Variants in ATP10B observed in about 807,000 individuals in gnomAD.
The protein encoded by ATP10B is ATPase phospholipid transporting 10B (putative).
ATP10B carries 122 observed loss-of-function variants against 141.2 expected under a neutral mutation model. That is an observed-to-expected ratio of 0.86 (90% confidence interval 0.75 to 1.00). The LOEUF is 1.00. Ranked by LOEUF, ATP10B falls within the 50% of genes least tolerant of loss-of-function variation. The pLI is 0.00. For synonymous variants in ATP10B, 685 were observed against 692.0 expected, an observed-to-expected ratio of 0.99 and a Z score of 0.16; for missense variants, 1,876 against 1,825.3, an observed-to-expected ratio of 1.03 and a Z score of -0.51.
chr5:160,568,796 C>G (rs149653792), intron 25 of ATP10B, among the ~76,000 whole-genome samples: 116 of 152,246 alleles, frequency 7.6e-4, no homozygotes, highest in African/African-American at 2.6e-3. Context: ...AGCTCCAAGG[C>G]AAGGCAAGGC....
intron 24 of ATP10B, among the ~76,000 whole-genome samples, chr5:160,572,808 T>G (rs1754956811): frequency 6.6e-6 from 1 of 152,196 alleles, no homozygotes; most frequent in Non-Finnish European, 1.5e-5. Flanking sequence ...TTATAGACAA[T>G]AAACCTCATA....
chr5:160,826,825 A>G (rs1774639591), intron 1 of ATP10B, among the ~76,000 whole-genome samples: 1 of 152,156 alleles, frequency 6.6e-6, no homozygotes, highest in South Asian at 2.1e-4. Context: ...GGACTGAAAT[A>G]TGCCCTGGTC....
In ATP10B at chr5:160,686,124, CGGT is replaced by C. The variant is rs1646312408; in HGVS notation, c.422_424del (p.His141del). On this transcript the variant is annotated inframe_deletion, in exon 6 of 26. Transcript: ENST00000327245. The stretch of plus-strand genomic sequence containing the variant: ...GGAGCAGTTTATTGCTTTATCAAAG[CGGT>C]GTCTCTTGAAGTCCTCCATGCCATC... The C allele has an allele frequency of 5.6e-6, 9 of 1,603,590 alleles. No individual in the cohort carries two copies. The highest frequency in any genetic ancestry group is 7.7e-6 in the Non-Finnish European group (9 of 1,173,922).
chr5:160,815,963 G>A (rs4443459), intron 1 of ATP10B, among the ~76,000 whole-genome samples: 50,031 of 149,792 alleles, frequency 0.33, 9,295 homozygotes, highest in East Asian at 0.44. Flanking sequence ...TTTGAAACCA[G>A]TGAGAACAAA....
upstream of ATP10B, among the ~76,000 whole-genome samples, chr5:160,854,411 G>C (rs1250383980): frequency 3.3e-5 from 5 of 152,026 alleles, no homozygotes; most frequent in Non-Finnish European, 7.4e-5. Context: ...CCACTTATGA[G>C]AACATGTGGT....
the ATP10B span, among the ~76,000 whole-genome samples, chr5:160,922,288 C>T: frequency 6.6e-6 from 1 of 152,166 alleles, no homozygotes; most frequent in Admixed American, 6.5e-5. Context: ...TCACTTTTAC[C>T]TCTCCAAGCA....
intron 17 of ATP10B, among the ~76,000 whole-genome samples, chr5:160,615,246 C>T (rs373284777): frequency 6.6e-6 from 1 of 152,040 alleles, no homozygotes; most frequent in East Asian, 1.9e-4. Context: ...TTCCCCCCAG[C>T]CCGGGACCTC....
intron 13 of ATP10B, among the ~76,000 whole-genome samples, chr5:160,630,850 T>C (rs938461191): frequency 7.2e-5 from 11 of 152,216 alleles, no homozygotes; most frequent in African/African-American, 2.7e-4. Context: ...AACTCAACTT[T>C]GTCCTCACCC....
chr5:160,899,116 A>G, the ATP10B span, among the ~76,000 whole-genome samples: 1 of 152,202 alleles, frequency 6.6e-6, no homozygotes, highest in African/African-American at 2.4e-5. Flanking sequence ...CACATTCTGC[A>G]CATATATCCC....
At chr5:160,916,722 G>T in the ATP10B span, among the ~76,000 whole-genome samples, 3 of 152,194 alleles carry the variant, frequency 2.0e-5, no homozygotes, top group Non-Finnish European at 4.4e-5. Context: ...TTGGGCTACA[G>T]AACCCACATT....
At chr5:160,895,455 G>T in the ATP10B span, among the ~76,000 whole-genome samples, 1 of 151,120 alleles carries the variant, frequency 6.6e-6, no homozygotes, top group Admixed American at 6.6e-5. Context: ...AAAGACAAGG[G>T]CATTACATAA....
At chr5:160,588,531 A>G (rs2127609206) in intron 24 of ATP10B, among the ~76,000 whole-genome samples, 1 of 152,294 alleles carries the variant, frequency 6.6e-6, no homozygotes, top group Non-Finnish European at 1.5e-5. Flanking sequence ...TCTTTCTGTA[A>G]AGTGTTCCCT....
intron 2 of ATP10B, among the ~76,000 whole-genome samples, chr5:160,722,152 G>A (rs75313809): frequency 0.022 from 3,389 of 152,196 alleles, 124 homozygotes; most frequent in African/African-American, 0.075. Context: ...GATAGCCCAC[G>A]GGTTCTTATG....
chr5:160,874,595 G>C, the ATP10B span, among the ~76,000 whole-genome samples: 2 of 152,148 alleles, frequency 1.3e-5, no homozygotes, highest in East Asian at 3.9e-4. Context: ...TGAGCTACAG[G>C]AGGACATTCA....
chr5:160,653,672 TTATATATACA>T (rs1761174540), intron 7 of ATP10B, among the ~76,000 whole-genome samples: 1 of 15,366 alleles, frequency 6.5e-5, no homozygotes, highest in African/African-American at 1.4e-4. Flanking sequence ...TACATATATA[TTATATATACA>T]TATATACATA....
At chr5:160,883,452 G>T in the ATP10B span, among the ~76,000 whole-genome samples, 1 of 150,928 alleles carries the variant, frequency 6.6e-6, no homozygotes, top group Non-Finnish European at 1.5e-5. Flanking sequence ...TTGGAAGGAG[G>T]AGAGGGATAA....
the ATP10B span, among the ~76,000 whole-genome samples, chr5:160,898,613 A>G: frequency 5.3e-5 from 8 of 152,222 alleles, no homozygotes; most frequent in African/African-American, 1.9e-4. Flanking sequence ...TAGAACCAGA[A>G]ATACCATTTG....
chr5:160,812,051 AGAGAGAGAGGGAGAGG>A (rs1443569986), intron 1 of ATP10B, among the ~76,000 whole-genome samples: 193 of 149,362 alleles, frequency 1.3e-3, no homozygotes, highest in African/African-American at 4.5e-3. Flanking sequence ...AGAGAGAGAG[AGAGAGAGAGGGAGAGG>A]GAGAGAGATT....
At chr5:160,690,035 G>C (rs530987486) in intron 3 of ATP10B, among the ~76,000 whole-genome samples, 1 of 151,734 alleles carries the variant, frequency 6.6e-6, no homozygotes, top group African/African-American at 2.4e-5. Context: ...CAGAACAGAG[G>C]ACTCAGAAAT....
Sources: allele counts gnomAD v4.1 joint callset (sites outside exome capture counted in the v4.1 genomes callset), GRCh38; gene constraint gnomAD v4.1.1; transcripts MANE v1.5; gene names NCBI Gene and HGNC (gene_info 2026-07-23, HGNC 2026-07-21).